Variants in GRB10 observed in about 807,000 individuals in gnomAD.
GRB10 encodes the protein growth factor receptor bound protein 10, also known as growth factor receptor-bound protein 10.
Under a neutral mutation model 80.9 loss-of-function variants are expected in GRB10, and 20 were observed. The observed-to-expected ratio is 0.25, with a 90% CI of 0.17 to 0.36. The LOEUF is 0.36. Ranked by LOEUF, GRB10 falls within the 10% of genes least tolerant of loss-of-function variation. The pLI, the probability that GRB10 is intolerant of heterozygous loss-of-function variation, is 1.00. For missense variants in GRB10, 548 were observed against 747.7 expected (o/e 0.73, Z 3.12); for synonymous variants, 291 against 291.5 (o/e 1.00, Z 0.02).
At chr7:50,709,707 A>C (rs956252213) in intron 4 of GRB10, among the ~76,000 whole-genome samples, 9 of 151,726 alleles carry the variant, frequency 5.9e-5, no homozygotes, top group African/African-American at 2.2e-4. Flanking sequence ...ATAAAAAGTG[A>C]CTCGTGGGAG....
chr7:50,774,523 C>G (rs117494362), intron 2 of GRB10, among the ~76,000 whole-genome samples: 1 of 152,268 alleles, frequency 6.6e-6, no homozygotes, highest in East Asian at 1.9e-4. Context: ...AAAAGGGGAT[C>G]CTAGCTAGTT....
chr7:50,776,165 T>C (rs921213767), intron 2 of GRB10, among the ~76,000 whole-genome samples: 1 of 152,196 alleles, frequency 6.6e-6, no homozygotes, highest in Non-Finnish European at 1.5e-5. Flanking sequence ...CTCCCAAACA[T>C]GTTTTTACAA....
intron 9 of GRB10, among the ~76,000 whole-genome samples, chr7:50,618,402 C>A (rs1180794799): frequency 6.6e-6 from 1 of 152,180 alleles, no homozygotes; most frequent in Non-Finnish European, 1.5e-5. Context: ...CAGCATGCTC[C>A]ATGGCAAAGA....
At chr7:50,686,845 C>T (rs1465164457) in intron 5 of GRB10, among the ~76,000 whole-genome samples, 13 of 152,206 alleles carry the variant, frequency 8.5e-5, no homozygotes, top group Admixed American at 8.5e-4. Context: ...GGAGAGTCTG[C>T]CTAACTCCAA....
At position 50,591,761 on chromosome 7, in the gene GRB10, G is replaced by C. The variant is rs1258072711; in HGVS notation, c.*1191C>G. The C allele has an allele frequency of 6.6e-6, 1 of 152,232 alleles. No homozygotes were observed. The highest frequency in any genetic ancestry group is 1.5e-5 in the Non-Finnish European group (1 of 68,060). The allele number at this position is 152,232 out of a possible 1,614,324, so 9.4% of individuals were successfully genotyped here. On this transcript the variant is annotated 3_prime_UTR_variant, in exon 19 of 19. Transcript: ENST00000401949. ...GAGGAGGAGCCTCTAGCTGCTCTGTGTTCACTGGCTTATGGGGGTTTTCAG... is the reference window on the plus strand; with the variant it reads ...GAGGAGGAGCCTCTAGCTGCTCTGTCTTCACTGGCTTATGGGGGTTTTCAG...
chr7:50,638,047 C>T (rs1205275016), intron 7 of GRB10, among the ~76,000 whole-genome samples: 1 of 152,138 alleles, frequency 6.6e-6, no homozygotes, highest in Non-Finnish European at 1.5e-5. Context: ...GAAATTTTAG[C>T]CATAAGCAGA....
chr7:50,663,832 G>C (rs1440259791), intron 7 of GRB10, among the ~76,000 whole-genome samples: 1 of 152,232 alleles, frequency 6.6e-6, no homozygotes, highest in Non-Finnish European at 1.5e-5. Flanking sequence ...CATGCCAGGT[G>C]CAGGGAGACA....
intron 4 of GRB10, among the ~76,000 whole-genome samples, chr7:50,720,388 G>C (rs138890510): frequency 1.3e-3 from 193 of 152,218 alleles, no homozygotes; most frequent in African/African-American, 4.3e-3. Flanking sequence ...TGACAGTATT[G>C]ACTGCATGAT....
intron 7 of GRB10, among the ~76,000 whole-genome samples, chr7:50,651,588 T>C (rs1033252177): frequency 2.0e-5 from 3 of 152,186 alleles, no homozygotes; most frequent in South Asian, 2.1e-4. Context: ...GGCTAGGACT[T>C]CAACTTATGT....
chr7:50,622,929 T>A (rs976326784), intron 8 of GRB10, among the ~76,000 whole-genome samples: 1 of 152,174 alleles, frequency 6.6e-6, no homozygotes, highest in Non-Finnish European at 1.5e-5. Flanking sequence ...GTGCTGGGAC[T>A]ACAGGCATGA....
Position 50,619,257 on chromosome 7 carries a change from C to T in GRB10, c.690G>A (p.Val230=). Residue 230 remains valine, a synonymous_variant, in exon 9 of 19, where the codon GTG becomes GTA. Transcript: ENST00000401949. ...LERCLEDHEL[V]VQVESTMASE... ...TGGCCATGGTACTCTCCACCTGGAC[C>T]ACCAGCTCATGGTCTTCCAAGCACC... is the stretch of plus-strand genomic sequence containing the variant. 1 of 1,612,788 alleles carries T rather than the reference C, an allele frequency of 6.2e-7. No homozygotes were observed. The highest frequency in any genetic ancestry group is 8.5e-7 in the Non-Finnish European group (1 of 1,179,314).
At chr7:50,653,992 C>T (rs992729729) in intron 7 of GRB10, among the ~76,000 whole-genome samples, 2 of 152,210 alleles carry the variant, frequency 1.3e-5, no homozygotes, top group South Asian at 2.1e-4. Flanking sequence ...CCTTGTGTTC[C>T]GTCTTCTCGG....
chr7:50,784,327 C>G (rs1209974539), upstream of GRB10, among the ~76,000 whole-genome samples: 1 of 152,204 alleles, frequency 6.6e-6, no homozygotes, highest in Non-Finnish European at 1.5e-5. Flanking sequence ...CTTGGCTTTC[C>G]TTCCAGACTC....
At chr7:50,728,975 A>G (rs1252733739) in intron 4 of GRB10, among the ~76,000 whole-genome samples, 6 of 152,320 alleles carry the variant, frequency 3.9e-5, no homozygotes, top group Middle Eastern at 3.4e-3. Context: ...CCAGCCTCCA[A>G]TAAAACTTTA....
chr7:50,677,183 T>C (rs962229373), intron 5 of GRB10, among the ~76,000 whole-genome samples: 18 of 152,110 alleles, frequency 1.2e-4, no homozygotes, highest in Non-Finnish European at 2.1e-4. Flanking sequence ...ATGGTTCAGG[T>C]TGTGAGTGGT....
chr7:50,789,712 T>C (rs1345286073), intron 1 of GRB10, among the ~76,000 whole-genome samples: 4 of 152,156 alleles, frequency 2.6e-5, no homozygotes, highest in African/African-American at 2.4e-5. Context: ...GAAATCCATA[T>C]GTAAAGTAGA....
At chr7:50,625,962 T>C (rs556222342) in intron 8 of GRB10, among the ~76,000 whole-genome samples, 3 of 152,344 alleles carry the variant, frequency 2.0e-5, no homozygotes, top group African/African-American at 4.8e-5. Flanking sequence ...AATTTAGAAC[T>C]ATGGGAAGTT....
intron 5 of GRB10, among the ~76,000 whole-genome samples, chr7:50,685,239 G>C (rs2061982571): frequency 1.3e-5 from 2 of 152,148 alleles, no homozygotes; most frequent in Admixed American, 1.3e-4. Context: ...ACAAAACAGA[G>C]ACAAATCCCT....
rs553659110 is a variant in GRB10 at position 50,691,189 on chromosome 7, A to G, written c.139+12632T>C. ...TGCTTTCAAGGCCAAGGAAAACTCA[A>G]TCCCTACAGTTGAAATCTTGGTTTG... On this transcript the variant is annotated intron_variant, in intron 5 of 18. Coordinates refer to ENST00000401949, the MANE Select transcript of GRB10 (RefSeq NM_001350814.2). Among the ~76,000 whole-genome samples the G allele has an allele frequency of 1.6e-4, 25 of 152,342 alleles. No homozygotes were observed. In the East Asian group the frequency reaches 3.7e-3, roughly 22 times the overall value.
Sources: allele counts gnomAD v4.1 joint callset (sites outside exome capture counted in the v4.1 genomes callset), GRCh38; gene constraint gnomAD v4.1.1; transcripts MANE v1.5; gene names NCBI Gene and HGNC (gene_info 2026-07-23, HGNC 2026-07-21).